The following PCDH9 variants were observed in gnomAD, a reference collection of about 807,000 sequenced individuals.
The protein encoded by PCDH9 is protocadherin-9.
A neutral mutation model predicts 70.6 loss-of-function variants in PCDH9; 24 were observed. The ratio of observed to expected loss-of-function variants is 0.34; its 90% CI spans 0.25 to 0.48. The LOEUF (loss-of-function observed/expected upper bound fraction) is 0.48. Among genes scored for constraint, PCDH9 ranks in the 20% least tolerant of loss-of-function variants. PCDH9 has a pLI of 0.99. For missense variants in PCDH9, 1,281 were observed against 1,503.6 expected, an observed-to-expected ratio of 0.85 and a Z score of 2.45; for synonymous variants, 562 against 558.5, an observed-to-expected ratio of 1.01 and a Z score of -0.09.
At chr13:66,775,139 AC>A (rs1286863915) in intron 3 of PCDH9, among the ~76,000 whole-genome samples, 36 of 152,306 alleles carry the variant, frequency 2.4e-4, no homozygotes, top group Non-Finnish European at 4.7e-4. Context: ...AAATGACAAA[AC>A]ATTTGTTTGC....
chr13:66,454,898 C>T (rs1489955869), intron 4 of PCDH9, among the ~76,000 whole-genome samples: 10 of 152,068 alleles, frequency 6.6e-5, no homozygotes, highest in Admixed American at 6.6e-4. Flanking sequence ...AGCCACGCCA[C>T]CACACCTGGC....
chr13:66,330,057 A>G (rs1384908258), intron 4 of PCDH9, among the ~76,000 whole-genome samples: 1 of 152,220 alleles, frequency 6.6e-6, no homozygotes, highest in Non-Finnish European at 1.5e-5. Flanking sequence ...GAGGATTAGA[A>G]ACACTTTGTA....
intron 2 of PCDH9, among the ~76,000 whole-genome samples, chr13:67,032,906 T>C (rs1025275734): frequency 6.6e-6 from 1 of 152,238 alleles, no homozygotes; most frequent in Non-Finnish European, 1.5e-5. Flanking sequence ...GTTTTCACAG[T>C]TTGCAAAATC....
intron 4 of PCDH9, among the ~76,000 whole-genome samples, chr13:66,415,585 G>A (rs945376321): frequency 5.3e-5 from 8 of 152,094 alleles, no homozygotes; most frequent in Admixed American, 2.6e-4. Flanking sequence ...AAAGAGTGTC[G>A]TCTTACATTC....
At chr13:66,474,912 G>A (rs1167696853) in intron 4 of PCDH9, among the ~76,000 whole-genome samples, 1 of 152,002 alleles carries the variant, frequency 6.6e-6, no homozygotes, top group Non-Finnish European at 1.5e-5. Context: ...GAGTCTCCTT[G>A]AATGAATTTC....
At chr13:66,730,574 A>T (rs1272689506) in intron 3 of PCDH9, among the ~76,000 whole-genome samples, 2 of 151,892 alleles carry the variant, frequency 1.3e-5, no homozygotes, top group African/African-American at 4.8e-5. Context: ...AATCACTAAC[A>T]TTTGCATTCC....
In PCDH9 at chr13:66,596,658, G is replaced by T. The variant is rs183428541; in HGVS notation, c.3340+34552C>A. Among the ~76,000 whole-genome samples, 158 of 151,716 alleles carry T rather than the reference G, an allele frequency of 1.0e-3. 1 individual carries two copies. The highest frequency in any genetic ancestry group is 3.6e-3 in the African/African-American group (151 of 41,492). On this transcript the variant is annotated intron_variant, in intron 4 of 4. Coordinates refer to ENST00000377865, the MANE Select transcript of PCDH9 (RefSeq NM_203487.3). ...GAAAGTTCTCTATCACTGGATCATT[G>T]TTTTAGCTTAACCATAATATGTCAA...
chr13:66,798,996 G>A (rs2080287329), intron 3 of PCDH9, among the ~76,000 whole-genome samples: 1 of 151,988 alleles, frequency 6.6e-6, no homozygotes, highest in South Asian at 2.1e-4. Flanking sequence ...TGTATTTTTA[G>A]TAGAGACGGG....
At chr13:67,195,963 G>A (rs188267429) in intron 2 of PCDH9, among the ~76,000 whole-genome samples, 1 of 152,248 alleles carries the variant, frequency 6.6e-6, no homozygotes, top group East Asian at 1.9e-4. Flanking sequence ...CTTTAAATGA[G>A]TGACTTATAT....
chr13:66,934,343 C>A (rs61959215), intron 2 of PCDH9, among the ~76,000 whole-genome samples: 41,548 of 151,692 alleles, frequency 0.27, 6,161 homozygotes, highest in Admixed American at 0.39. Context: ...ACCAGTCTGG[C>A]CACCTTGGTG....
intron 4 of PCDH9, among the ~76,000 whole-genome samples, chr13:66,358,000 T>A (rs1956413219): frequency 6.6e-6 from 1 of 152,084 alleles, no homozygotes; most frequent in South Asian, 2.1e-4. Flanking sequence ...CTGCTTCTGT[T>A]ACTAGCATGA....
chr13:67,090,483 G>A (rs918008223), intron 2 of PCDH9, among the ~76,000 whole-genome samples: 1 of 151,914 alleles, frequency 6.6e-6, no homozygotes, highest in Non-Finnish European at 1.5e-5. Flanking sequence ...TAAAGATGGT[G>A]TTTTTTTCTT....
intron 4 of PCDH9, among the ~76,000 whole-genome samples, chr13:66,580,347 A>G (rs140406147): frequency 6.6e-6 from 1 of 151,914 alleles, no homozygotes; most frequent in Non-Finnish European, 1.5e-5. Context: ...CTAGTGTTAT[A>G]TTCAGTTTTC....
rs2089896035 is a variant in PCDH9, at chr13:67,227,093, T to A, written c.1348A>T (p.Asn450Tyr). The A allele has an allele frequency of 6.2e-7, 1 of 1,614,062 alleles. No individual in the cohort carries two copies. Residue 450 changes from asparagine (N) to tyrosine (Y), a missense_variant, in exon 2 of 5, where the codon AAT (asparagine) becomes TAT (tyrosine). Transcript: ENST00000377865. The surrounding 1 kb of genome is among the most constrained non-coding windows in gnomAD (Gnocchi z 4.6). ...TTAACCCTTACCAGGGCAGTCTGAT[T>A]TAAACTGGGCTTCCCAGAATCAGAG... ...VASDSGKPSL[N>Y]QTALVRVKLE... is the part of the protein sequence containing the mutation.
intron 4 of PCDH9, among the ~76,000 whole-genome samples, chr13:66,321,585 G>A (rs1022196493): frequency 4.0e-5 from 6 of 151,816 alleles, no homozygotes; most frequent in Non-Finnish European, 7.4e-5. Flanking sequence ...CCCTAAGATG[G>A]TCTGTTAAAT....
At chr13:66,355,587 T>C (rs937544147) in intron 4 of PCDH9, among the ~76,000 whole-genome samples, 22 of 152,152 alleles carry the variant, frequency 1.4e-4, no homozygotes, top group Non-Finnish European at 3.2e-4. Context: ...AAAGAGCACA[T>C]GTGTTAGATC....
chr13:66,630,683 C>T (rs932504381), intron 4 of PCDH9: 2 of 145,060 alleles, frequency 1.4e-5, no homozygotes, highest in Admixed American at 1.5e-4. Context: ...CCTCTTCACA[C>T]TTGTTTTAAT....
chr13:66,690,758 C>T (rs2078471988), intron 3 of PCDH9, among the ~76,000 whole-genome samples: 1 of 152,002 alleles, frequency 6.6e-6, no homozygotes, highest in South Asian at 2.1e-4. Context: ...GGTTTTATTC[C>T]CTGAATTCTT....
At chr13:67,016,898 G>T (rs553273675) in intron 2 of PCDH9, among the ~76,000 whole-genome samples, 2 of 152,108 alleles carry the variant, frequency 1.3e-5, no homozygotes, top group South Asian at 4.1e-4. Context: ...TTCAATAATA[G>T]CACCTACTAC....
Sources: allele counts gnomAD v4.1 joint callset (sites outside exome capture counted in the v4.1 genomes callset), GRCh38; gene constraint gnomAD v4.1.1; non-coding constraint Gnocchi (gnomAD v3.1); transcripts MANE v1.5; gene names NCBI Gene and HGNC (gene_info 2026-07-23, HGNC 2026-07-21).